The following SLCO2A1 variants were observed in gnomAD, a reference collection of about 807,000 sequenced individuals.
SLCO2A1 encodes solute carrier organic anion transporter family member 2A1, also known as matrin F/G 1.
Under a neutral mutation model 71.7 loss-of-function variants are expected in SLCO2A1, and 60 were observed. That is an observed-to-expected ratio of 0.84 (90% CI 0.68 to 1.04). The LOEUF is 1.04. Among genes scored for constraint, SLCO2A1 ranks in the 50% least tolerant of loss-of-function variants. SLCO2A1 has a pLI of 0.00. For synonymous variants in SLCO2A1, 308 were observed against 326.7 expected (o/e 0.94, Z 0.62); for missense variants, 745 against 813.4 (o/e 0.92, Z 1.02).
At chr3:133,994,514 T>G (rs1307526100) in intron 1 of SLCO2A1, among the ~76,000 whole-genome samples, 1 of 152,224 alleles carries the variant, frequency 6.6e-6, no homozygotes, top group Non-Finnish European at 1.5e-5. Flanking sequence ...GTTCTAGCTC[T>G]CTCTCTCTGA....
intron 13 of SLCO2A1, 116 bp from the exon 14 acceptor site, chr3:133,934,946 G>T: frequency 1.3e-6 from 1 of 759,100 alleles, no homozygotes; most frequent in Admixed American, 2.2e-5. Context: ...GAAGGTGTGG[G>T]CACCATCCAG....
At chr3:133,998,109 A>G (rs916970206) in intron 1 of SLCO2A1, among the ~76,000 whole-genome samples, 6 of 152,128 alleles carry the variant, frequency 3.9e-5, no homozygotes, top group African/African-American at 1.4e-4. Flanking sequence ...GCAGCAGGAG[A>G]CATGCCATGG....
intron 1 of SLCO2A1, among the ~76,000 whole-genome samples, chr3:134,001,399 C>A (rs962364492): frequency 6.6e-6 from 1 of 152,172 alleles, no homozygotes; most frequent in Admixed American, 6.5e-5. Flanking sequence ...ATGTGAGCCA[C>A]CACGCCCAGC....
chr3:134,014,448 C>A (rs1254145741), intron 1 of SLCO2A1, among the ~76,000 whole-genome samples: 2 of 152,162 alleles, frequency 1.3e-5, no homozygotes, highest in Non-Finnish European at 2.9e-5. Flanking sequence ...GGTTTCATCT[C>A]CACCCCTGGG....
chr3:133,963,622 C>T (rs550429380), intron 3 of SLCO2A1, among the ~76,000 whole-genome samples: 1 of 152,332 alleles, frequency 6.6e-6, no homozygotes, highest in African/African-American at 2.4e-5. Context: ...TGGCTGTCAT[C>T]TGGGAGTGTG....
intron 1 of SLCO2A1, among the ~76,000 whole-genome samples, chr3:133,987,388 TG>T: frequency 6.6e-6 from 1 of 151,978 alleles, no homozygotes; most frequent in South Asian, 2.1e-4. Context: ...GATAAAACCC[TG>T]GTCTCCACAA....
chr3:133,948,917 C>T lies in SLCO2A1; in HGVS notation c.916G>A (p.Gly306Ser). 1 of 1,614,214 alleles carries T rather than the reference C, an allele frequency of 6.2e-7. No individual in the cohort carries two copies. Among genetic ancestry groups the T allele is most frequent in the South Asian group, 1.1e-5 (1 of 91,090 alleles). The change falls in exon 7 of 14, where the codon GGC becomes AGC. Residue 306 changes from glycine (G) to serine (S), a missense_variant. Gly to Ser is a moderately conservative substitution (Grantham distance 56, BLOSUM62 0). Transcript: ENST00000310926. ...CGTTTAATGAAATCCACCAGGGAGC[C>T]TCTTGACTTGGCCTCCTCCAACTTC... ...ARKLEEAKSR[G>S]SLVDFIKRFP...
chr3:134,019,730 A>G (rs1935529685), intron 1 of SLCO2A1, among the ~76,000 whole-genome samples: 1 of 152,068 alleles, frequency 6.6e-6, no homozygotes, highest in Admixed American at 6.5e-5. Context: ...CTTAAATCTG[A>G]GTCTTCTGGC....
chr3:133,968,205 C>A lies in SLCO2A1; in HGVS notation c.397+5458G>T, dbSNP rs151107557. On this transcript the variant is annotated intron_variant, in intron 3 of 13. Coordinates refer to ENST00000310926, the MANE Select transcript of SLCO2A1 (RefSeq NM_005630.3). The stretch of plus-strand genomic sequence containing the variant: ...CCCACATCTCCACATACACCTACCT[C>A]CCCTCCGCACCCACACACCTCCTCA... Among the ~76,000 whole-genome samples, 1,260 of 151,014 alleles carry A rather than the reference C, an allele frequency of 8.3e-3. 65 individuals carry two copies. Among genetic ancestry groups the A allele is most frequent in the Admixed American group, 0.06 (902 of 15,146 alleles).
rs573560259 is a variant in SLCO2A1 at position 134,012,767 on chromosome 3, G to T, written c.96+16940C>A. The stretch of plus-strand genomic sequence containing the variant: ...CCTGGCTGTCACTTGCCTGCTCTCT[G>T]GGAGCCCCCATTTCTTCTCCCCATA... On this transcript the variant is annotated intron_variant, in intron 1 of 13. Coordinates refer to ENST00000310926, the MANE Select transcript of SLCO2A1 (RefSeq NM_005630.3). Among the ~76,000 whole-genome samples, 596 of 152,242 alleles carry T rather than the reference G, an allele frequency of 3.9e-3. 5 individuals are homozygous for T. Among genetic ancestry groups the T allele is most frequent in the African/African-American group, 0.014 (561 of 41,546 alleles).
chr3:133,960,117 C>T (rs1482695300), intron 3 of SLCO2A1, among the ~76,000 whole-genome samples: 1 of 135,166 alleles, frequency 7.4e-6, no homozygotes, highest in African/African-American at 3.0e-5. Context: ...GAGACTCCGT[C>T]TCAAAAATAA....
At chr3:133,936,222 T>C (rs1248365931) in intron 12 of SLCO2A1, among the ~76,000 whole-genome samples, 1 of 152,174 alleles carries the variant, frequency 6.6e-6, no homozygotes, top group Non-Finnish European at 1.5e-5. Context: ...GCCTCCACTG[T>C]GTGGCAGGAG....
intron 2 of SLCO2A1, among the ~76,000 whole-genome samples, chr3:133,975,274 G>A (rs571854387): frequency 2.6e-5 from 4 of 152,118 alleles, no homozygotes; most frequent in Admixed American, 6.5e-5. Context: ...CCTTGTCTCA[G>A]TAAATGGCAC....
chr3:133,953,930 C>A (rs1038126903), intron 4 of SLCO2A1, among the ~76,000 whole-genome samples, 169 bp from the exon 5 acceptor site: 2 of 152,096 alleles, frequency 1.3e-5, no homozygotes, highest in Non-Finnish European at 2.9e-5. Flanking sequence ...ACTCAAGATT[C>A]CAAGACATAT....
In SLCO2A1 at chr3:133,999,557, A is replaced by C. The variant is rs75201461; in HGVS notation, c.97-19939T>G. On this transcript the variant is annotated intron_variant, in intron 1 of 13. Transcript: ENST00000310926. ...GCACATGCACAAAACAGTGACAGCT[A>C]CTCTCAGGGTGATATGGCAGATGCC... 6.7e-3 allele frequency among the ~76,000 whole-genome samples: 1,020 copies of C among 152,286 alleles called. 12 individuals are homozygous for C. Among genetic ancestry groups the C allele is most frequent in the African/African-American group, 0.024 (991 of 41,554 alleles).
intron 6 of SLCO2A1, 126 bp downstream of exon 6, chr3:133,951,082 A>C (rs890420702): frequency 7.6e-7 from 1 of 1,315,482 alleles, no homozygotes; most frequent in Non-Finnish European, 1.1e-6. Context: ...CTGCATCATG[A>C]AATTTGTTTA....
At position 133,967,772 on chromosome 3, in the gene SLCO2A1, C is replaced by T. The variant is rs139517291; in HGVS notation, c.397+5891G>A. Among the ~76,000 whole-genome samples, 33 of 151,626 alleles carry T rather than the reference C, an allele frequency of 2.2e-4. No homozygotes were observed. The East Asian group carries it at 5.5e-3, about 25-fold the overall frequency. Reference sequence around the variant, plus strand: ...TGCACATCTGCCCATCCCCACCCTCCAATCACCTACCACCCCACATGCTTC... The same window carrying T: ...TGCACATCTGCCCATCCCCACCCTCTAATCACCTACCACCCCACATGCTTC... On this transcript the variant is annotated intron_variant, in intron 3 of 13. Coordinates refer to ENST00000310926, the MANE Select transcript of SLCO2A1 (RefSeq NM_005630.3).
At chr3:133,965,770 G>GCCCAGGCAGCTTGGA (rs150000998) in intron 3 of SLCO2A1, among the ~76,000 whole-genome samples, 34,698 of 150,484 alleles carry the variant, frequency 0.23, 4,179 homozygotes, top group East Asian at 0.32. Context: ...ACCGCACTGG[G>GCCCAGGCAGCTTGGA]CCCCCAAAGG....
rs1933849002 is a variant in SLCO2A1, at chr3:133,955,079, C to A, written c.512G>T (p.Gly171Val). The change falls in exon 4 of 14, where the codon GGC becomes GTC. Residue 171 changes from glycine to valine, a missense_variant. Transcript: ENST00000310926. ...NPQKETSSMWGLMVVAQLLAG... is the reference protein window; with the variant it reads ...NPQKETSSMWVLMVVAQLLAG... ...CAGCAGCTGGGCAACCACCATCAGG[C>A]CCCACATGCTGCTGGTCTCCTTCTG... is the stretch of plus-strand genomic sequence containing the variant. 6.2e-7 allele frequency: 1 copy of A among 1,614,054 alleles called. No individual in the cohort carries two copies. The highest frequency in any genetic ancestry group is 1.7e-5 in the Admixed American group (1 of 60,008).
Sources: allele counts gnomAD v4.1 joint callset (sites outside exome capture counted in the v4.1 genomes callset), GRCh38; gene constraint gnomAD v4.1.1; transcripts MANE v1.5; gene names NCBI Gene and HGNC (gene_info 2026-07-23, HGNC 2026-07-21).